The following CRIM1 variants were observed in gnomAD, a reference collection of about 807,000 sequenced individuals.
CRIM1 encodes the protein cysteine-rich motor neuron 1 protein.
CRIM1 carries 32 observed loss-of-function variants against 116.4 expected under a neutral mutation model. The observed-to-expected ratio is 0.27, with a 90% CI of 0.21 to 0.37. The LOEUF is 0.37. Among genes scored for constraint, CRIM1 ranks in the 10% least tolerant of loss-of-function variants. The pLI is 1.00. For synonymous variants in CRIM1, 590 were observed against 509.2 expected, an observed-to-expected ratio of 1.16 and a Z score of -2.13; for missense variants, 1,331 against 1,354.8, an observed-to-expected ratio of 0.98 and a Z score of 0.28.
intron 13 of CRIM1, among the ~76,000 whole-genome samples, chr2:36,534,594 AGAGG>A (rs754066369): frequency 1.5e-5 from 2 of 131,984 alleles, no homozygotes; most frequent in Non-Finnish European, 3.3e-5. Flanking sequence ...AGAGACAGGA[AGAGG>A]GAGGGAGGGA....
At chr2:36,411,017 G>A (rs958143557) in intron 2 of CRIM1, among the ~76,000 whole-genome samples, 3 of 152,096 alleles carry the variant, frequency 2.0e-5, no homozygotes, top group African/African-American at 4.8e-5. Context: ...GCAGATCTGG[G>A]TACTAGTCAG....
At chr2:36,468,635 G>A (rs1346481163) in intron 5 of CRIM1, among the ~76,000 whole-genome samples, 5 of 152,130 alleles carry the variant, frequency 3.3e-5, no homozygotes, top group Admixed American at 6.5e-5. Context: ...CTCCACCTTC[G>A]TCAAGAACCC....
At chr2:36,367,614 A>G (rs1669684319) in intron 1 of CRIM1, among the ~76,000 whole-genome samples, 1 of 152,236 alleles carries the variant, frequency 6.6e-6, no homozygotes, top group South Asian at 2.1e-4. Flanking sequence ...AGTGATAGAC[A>G]GGAGTCGAAT....
rs555551022 is a variant in CRIM1 at position 36,409,736 on chromosome 2, T to C, written c.505+12949T>C. Among the ~76,000 whole-genome samples the C allele has an allele frequency of 9.8e-5, 15 of 152,390 alleles. 1 individual carries two copies. The East Asian group carries it at 2.7e-3, about 27-fold the overall frequency. On this transcript the variant is annotated intron_variant, in intron 2 of 16. Transcript: ENST00000280527. ...GTGATTTATAGACACATATGTTTAC[T>C]TCTAGAATTGGCACTTCTTTGTTCT...
At chr2:36,422,317 G>T (rs927359934) in intron 2 of CRIM1, among the ~76,000 whole-genome samples, 1 of 152,060 alleles carries the variant, frequency 6.6e-6, no homozygotes, top group African/African-American at 2.4e-5. Flanking sequence ...ATGTCTGTTA[G>T]TGTAGTACTA....
rs555694793 is a variant in CRIM1, at chr2:36,485,244, C to T, written c.1372+5550C>T. Among the ~76,000 whole-genome samples the T allele has an allele frequency of 2.0e-5, 3 of 152,308 alleles. No individual in the cohort carries two copies. In the South Asian group the frequency reaches 6.2e-4, roughly 32 times the overall value. ...AATCCACTATCTTTCTTCCTGCCAC[C>T]TGGCTTTCTTGGATCTCTTACTTAG... On this transcript the variant is annotated intron_variant, in intron 7 of 16. Transcript: ENST00000280527.
intron 2 of CRIM1, among the ~76,000 whole-genome samples, chr2:36,417,294 C>T (rs1320064768): frequency 6.6e-5 from 10 of 152,182 alleles, no homozygotes; most frequent in African/African-American, 2.4e-4. Flanking sequence ...CCTTTCTTTC[C>T]TCTCAGCTAT....
intron 13 of CRIM1, among the ~76,000 whole-genome samples, chr2:36,531,625 T>C (rs927533712): frequency 6.6e-6 from 1 of 152,222 alleles, no homozygotes; most frequent in Non-Finnish European, 1.5e-5. Flanking sequence ...GCCTGTTAAG[T>C]CTTCTTTTCT....
intron 9 of CRIM1, among the ~76,000 whole-genome samples, chr2:36,511,702 A>C (rs1469600510): frequency 6.6e-6 from 1 of 152,224 alleles, no homozygotes; most frequent in East Asian, 1.9e-4. Context: ...ACTGGCTAGA[A>C]CACATGTGTT....
chr2:36,450,914 G>C (rs1676668087), intron 4 of CRIM1, among the ~76,000 whole-genome samples: 1 of 152,184 alleles, frequency 6.6e-6, no homozygotes, highest in South Asian at 2.1e-4. Flanking sequence ...AGATAGAGAT[G>C]TTTAGAAGAA....
intron 2 of CRIM1, among the ~76,000 whole-genome samples, chr2:36,415,398 G>A (rs1245206729): frequency 6.6e-6 from 1 of 152,140 alleles, no homozygotes; most frequent in Admixed American, 6.5e-5. Context: ...TTCCACCTTG[G>A]TAGCTCTTGG....
intron 2 of CRIM1, among the ~76,000 whole-genome samples, chr2:36,427,531 G>A (rs1674551466): frequency 6.6e-6 from 1 of 152,296 alleles, no homozygotes; most frequent in Admixed American, 6.5e-5. Flanking sequence ...GCCTGAAGCA[G>A]ACACACAACT....
intron 2 of CRIM1, among the ~76,000 whole-genome samples, chr2:36,411,282 T>G (rs1673182090): frequency 6.6e-6 from 1 of 152,162 alleles, no homozygotes; most frequent in Non-Finnish European, 1.5e-5. Context: ...CCAAAAATGT[T>G]GTGTATATAT....
intron 2 of CRIM1, among the ~76,000 whole-genome samples, chr2:36,402,985 G>A (rs1480493981): frequency 6.6e-6 from 1 of 152,088 alleles, no homozygotes; most frequent in Non-Finnish European, 1.5e-5. Context: ...ATGCTCTATG[G>A]TGTATAATTA....
chr2:36,397,279 G>A (rs749135305), intron 2 of CRIM1, among the ~76,000 whole-genome samples: 12 of 152,168 alleles, frequency 7.9e-5, no homozygotes, highest in Non-Finnish European at 1.0e-4. Flanking sequence ...GGATCATTAG[G>A]CTCTTCACCT....
intron 13 of CRIM1, among the ~76,000 whole-genome samples, chr2:36,536,799 TG>T (rs1051864133): frequency 1.4e-5 from 2 of 147,114 alleles, no homozygotes; most frequent in Non-Finnish European, 3.0e-5. Context: ...ACCAGTTTTC[TG>T]GGGGAAAAAA....
At chr2:36,387,968 T>TC (rs1671296263) in intron 1 of CRIM1, among the ~76,000 whole-genome samples, 1 of 151,934 alleles carries the variant, frequency 6.6e-6, no homozygotes, top group Non-Finnish European at 1.5e-5. Flanking sequence ...TTTTTTTTTT[T>TC]CAGCTTGTCT....
In CRIM1 at chr2:36,356,169, A is replaced by G. The variant is rs1668778430; in HGVS notation, c.-124A>G. 2 of 261,974 alleles carry G rather than the reference A, an allele frequency of 7.6e-6. No individual in the cohort carries two copies. The highest frequency in any genetic ancestry group is 2.4e-5 in the African/African-American group (1 of 42,370). The allele number at this position is 261,974 out of a possible 1,614,324, so 16.2% of individuals were successfully genotyped here. A position where few individuals can be genotyped will look rare whatever the true frequency, so the allele number is the denominator to read the frequency against. On this transcript the variant is annotated 5_prime_UTR_variant, in exon 1 of 17. Transcript: ENST00000280527. The surrounding 1 kb of genome is among the most constrained non-coding windows in gnomAD (Gnocchi z 4.3). ...GGGGAGGCGCGCCCCGGGGGCCCCG[A>G]GAGGGGCGGTGAGGACCGCGGGCTG...
At chr2:36,468,900 G>T (rs546354538) in intron 5 of CRIM1, among the ~76,000 whole-genome samples, 1 of 152,344 alleles carries the variant, frequency 6.6e-6, no homozygotes, top group Non-Finnish European at 1.5e-5. Flanking sequence ...AGATAAAATG[G>T]AATATCTTGG....
Sources: gnomAD v4.1 joint callset for allele counts (sites outside exome capture counted in the v4.1 genomes callset) on GRCh38, gnomAD v4.1.1 for gene constraint, Gnocchi (gnomAD v3.1) non-coding constraint, MANE v1.5 for transcripts, NCBI Gene and HGNC (gene_info 2026-07-23, HGNC 2026-07-21) for gene names.